The following ZFYVE16 variants were observed in gnomAD, a reference collection of about 807,000 sequenced individuals.
ZFYVE16 encodes the protein zinc finger FYVE-type containing 16.
A neutral mutation model predicts 138.1 loss-of-function variants in ZFYVE16; 89 were observed. The observed-to-expected ratio is 0.64, with a 90% CI of 0.54 to 0.77. ZFYVE16 has a LOEUF of 0.77. Among genes scored for constraint, ZFYVE16 ranks in the 30% least tolerant of loss-of-function variants. The pLI is 0.00. For synonymous variants in ZFYVE16, 596 were observed against 618.3 expected, an observed-to-expected ratio of 0.96 and a Z score of 0.53; for missense variants, 1,793 against 1,786.7, an observed-to-expected ratio of 1.00 and a Z score of -0.06.
intron 14 of ZFYVE16, 73 bp from the exon 15 acceptor site, chr5:80,459,341 A>C: frequency 7.5e-7 from 1 of 1,325,836 alleles, no homozygotes; most frequent in Admixed American, 1.8e-5. Context: ...GCATATCCAC[A>C]TTCTGCATTT....
intron 1 of ZFYVE16, among the ~76,000 whole-genome samples, chr5:80,418,287 C>T (rs987411592): frequency 7.2e-6 from 1 of 138,804 alleles, no homozygotes; most frequent in African/African-American, 2.7e-5. Context: ...TTTTCCCTTC[C>T]CCTCCCCTCC....
At chr5:80,451,795 A>G (rs1210287370) in intron 11 of ZFYVE16, 86 bp downstream of exon 11, 2 of 1,233,354 alleles carry the variant, frequency 1.6e-6, no homozygotes, top group Non-Finnish European at 1.1e-6. Flanking sequence ...AATCAATTTT[A>G]ATGGATTAAT....
chr5:80,464,933 C>A (rs899469827), intron 15 of ZFYVE16, among the ~76,000 whole-genome samples: 1 of 152,076 alleles, frequency 6.6e-6, no homozygotes, highest in East Asian at 1.9e-4. Context: ...AAACTTTACT[C>A]CTGTTTATCG....
At chr5:80,475,161 C>G (rs893375606) in intron 18 of ZFYVE16, among the ~76,000 whole-genome samples, 1 of 152,064 alleles carries the variant, frequency 6.6e-6, no homozygotes, top group African/African-American at 2.4e-5. Flanking sequence ...TTTTGTTTAC[C>G]CAGTGGGGCC....
At chr5:80,475,615 T>C (rs1268383203) in intron 18 of ZFYVE16, among the ~76,000 whole-genome samples, 1 of 152,212 alleles carries the variant, frequency 6.6e-6, no homozygotes, top group African/African-American at 2.4e-5. Context: ...TCATCTTCCC[T>C]CTTTTACACA....
chr5:80,471,829 T>C (rs954768174), intron 15 of ZFYVE16, among the ~76,000 whole-genome samples: 21 of 152,298 alleles, frequency 1.4e-4, no homozygotes, highest in Middle Eastern at 3.4e-3. Flanking sequence ...TTGTGTAGAC[T>C]TGATTTTTCA....
intron 1 of ZFYVE16, among the ~76,000 whole-genome samples, 183 bp from the exon 2 acceptor site, chr5:80,427,309 A>T (rs913616924): frequency 1.3e-4 from 20 of 152,078 alleles, no homozygotes; most frequent in Admixed American, 7.9e-4. Context: ...CCCTCCAATG[A>T]GTGGTATGTT....
intron 14 of ZFYVE16, among the ~76,000 whole-genome samples, chr5:80,458,762 T>C (rs1393539891): frequency 6.6e-6 from 1 of 152,232 alleles, no homozygotes; most frequent in East Asian, 1.9e-4. Context: ...AGGATACATT[T>C]ACTTGTAATT....
rs192960636 is a variant in ZFYVE16, at chr5:80,436,625, G to T, written c.71-131G>T. The T allele has an allele frequency of 1.8e-3, 1,351 of 737,548 alleles. 14 individuals are homozygous for T. In the African/African-American group the frequency reaches 0.021, roughly 11 times the overall value. The allele number at this position is 737,548 out of a possible 1,614,324, so 45.7% of individuals were successfully genotyped here. On this transcript the variant is annotated intron_variant, in intron 3 of 18. Coordinates refer to ENST00000505560, the MANE Select transcript of ZFYVE16 (RefSeq NM_001284236.3). ...ACAAAAATAGTTTTGGAGGTGATTT[G>T]TGTTTTGCAAAAGGATAATCTATGT...
chr5:80,446,245 TTTCAGC>T (rs1751336490), intron 7 of ZFYVE16, among the ~76,000 whole-genome samples: 1 of 152,088 alleles, frequency 6.6e-6, no homozygotes, highest in South Asian at 2.1e-4. Context: ...GTTCTCACAC[TTTCAGC>T]TTCAGGACCC....
intron 3 of ZFYVE16, 53 bp downstream of exon 3, chr5:80,434,270 TA>T (rs1749551004): frequency 6.3e-7 from 1 of 1,582,728 alleles, no homozygotes; most frequent in Admixed American, 1.7e-5. Context: ...TATCTGTAAT[TA>T]AGTTATCTCA....
intron 11 of ZFYVE16, chr5:80,454,348 C>T (rs186821060): frequency 2.6e-4 from 40 of 152,242 alleles, no homozygotes; most frequent in African/African-American, 9.4e-4. Flanking sequence ...ATAGTCTTGC[C>T]TTCCTTTTCT....
At chr5:80,454,600 G>T (rs1175514894) in intron 11 of ZFYVE16, 1 of 151,232 alleles carries the variant, frequency 6.6e-6, no homozygotes, top group East Asian at 1.9e-4. Context: ...TTCGCCTCCC[G>T]GGTTCACGCC....
At chr5:80,445,486 T>C (rs1751220803) in intron 7 of ZFYVE16, 81 bp downstream of exon 7, 5 of 76,214 alleles carry the variant, frequency 6.6e-5, no homozygotes, top group Non-Finnish European at 8.7e-5. Context: ...ATTAGAGTGC[T>C]TTTTTTTTTT....
At chr5:80,445,717 T>C (rs1168494955) in intron 7 of ZFYVE16, among the ~76,000 whole-genome samples, 1 of 151,490 alleles carries the variant, frequency 6.6e-6, no homozygotes, top group Non-Finnish European at 1.5e-5. Context: ...TGAGCCACCA[T>C]GCCTGGTTTA....
chr5:80,418,644 T>C (rs1023174339), intron 1 of ZFYVE16, among the ~76,000 whole-genome samples: 2 of 152,106 alleles, frequency 1.3e-5, no homozygotes, highest in Non-Finnish European at 2.9e-5. Context: ...ATTTTAAGAG[T>C]TCTTTATAGA....
At chr5:80,458,082 T>C (rs1431815297) in intron 14 of ZFYVE16, among the ~76,000 whole-genome samples, 1 of 151,016 alleles carries the variant, frequency 6.6e-6, no homozygotes, top group East Asian at 1.9e-4. Context: ...TGCCAAGATA[T>C]GGTCACTATT....
chr5:80,461,321 A>T (rs1412546531), intron 15 of ZFYVE16, among the ~76,000 whole-genome samples: 1 of 152,222 alleles, frequency 6.6e-6, no homozygotes. Context: ...ATTCCTGTAT[A>T]TCCAATCAGT....
chr5:80,419,999 A>ACGGG lies in ZFYVE16; in HGVS notation c.-93-7492_-93-7489dup, dbSNP rs1367376138. The stretch of plus-strand genomic sequence containing the variant: ...GCTAATTTTTGTATTTTTAGTAGAG[A>ACGGG]CGGGGTTTCACCATGTTGGTCAAGC... On this transcript the variant is annotated intron_variant, in intron 1 of 18. Transcript: ENST00000505560. 2.7e-5 allele frequency among the ~76,000 whole-genome samples: 4 copies of ACGGG among 149,662 alleles called. No homozygotes were observed. In the Admixed American group the frequency reaches 2.7e-4, roughly 10 times the overall value.
Sources: allele counts gnomAD v4.1 joint callset (sites outside exome capture counted in the v4.1 genomes callset), GRCh38; gene constraint gnomAD v4.1.1; transcripts MANE v1.5; gene names NCBI Gene and HGNC (gene_info 2026-07-23, HGNC 2026-07-21).